INPP4B: variants seen among roughly 807,000 people sequenced by gnomAD.
The protein encoded by INPP4B is inositol polyphosphate-4-phosphatase type II B.
In INPP4B, 55 loss-of-function variants were observed where a neutral mutation model predicts 122.5. That is an observed-to-expected ratio of 0.45 (90% CI 0.36 to 0.56). INPP4B has a LOEUF of 0.56. Among genes scored for constraint, INPP4B ranks in the 20% least tolerant of loss-of-function variants. The pLI is 0.00. For missense variants in INPP4B, 1,000 were observed against 1,097.7 expected, an observed-to-expected ratio of 0.91 and a Z score of 1.26; for synonymous variants, 403 against 388.7, an observed-to-expected ratio of 1.04 and a Z score of -0.43.
At chr4:142,116,590 A>T (rs1475885928) in intron 21 of INPP4B, among the ~76,000 whole-genome samples, 2 of 152,196 alleles carry the variant, frequency 1.3e-5, no homozygotes, top group Non-Finnish European at 2.9e-5. Flanking sequence ...TGAAAGCAGA[A>T]ATAAAGATGT....
Position 142,537,477 on chromosome 4 carries a change from C to T in INPP4B, c.-190-74751G>A, listed in dbSNP as rs866863294. ...AGAGAGAGAGAGAGAGAGAGATACA[C>T]ATACACATACATACACAAACACATA... On this transcript the variant is annotated intron_variant, in intron 2 of 25. Coordinates refer to ENST00000262992, the MANE Select transcript of INPP4B (RefSeq NM_001101669.3). Among the ~76,000 whole-genome samples, 25 of 88,536 alleles carry T rather than the reference C, an allele frequency of 2.8e-4. No individual in the cohort carries two copies. In the South Asian group the frequency reaches 3.6e-3, roughly 13 times the overall value. 58.1% of individuals were successfully genotyped at this position (88,536 alleles called of 152,430 possible). A position where few individuals can be genotyped will look rare whatever the true frequency, so the allele number is the denominator to read the frequency against.
chr4:142,255,291 A>G (rs1005726976), intron 11 of INPP4B, among the ~76,000 whole-genome samples: 3 of 152,186 alleles, frequency 2.0e-5, no homozygotes, highest in African/African-American at 7.2e-5. Context: ...AAAGAACTGC[A>G]TCAACTAAGG....
intron 2 of INPP4B, among the ~76,000 whole-genome samples, chr4:142,507,510 C>T (rs1440393416): frequency 6.6e-6 from 1 of 151,862 alleles, no homozygotes; most frequent in Non-Finnish European, 1.5e-5. Flanking sequence ...ATCATCTGTT[C>T]ATGAAGCAAG....
At chr4:142,142,221 C>T (rs1430230399) in intron 18 of INPP4B, among the ~76,000 whole-genome samples, 3 of 151,946 alleles carry the variant, frequency 2.0e-5, no homozygotes, top group Non-Finnish European at 4.4e-5. Flanking sequence ...TGAAGAAATA[C>T]ATTTTATTAT....
intron 2 of INPP4B, among the ~76,000 whole-genome samples, chr4:142,533,629 C>A (rs1827870003): frequency 6.6e-6 from 1 of 152,010 alleles, no homozygotes; most frequent in Non-Finnish European, 1.5e-5. Context: ...AGACTAAAAA[C>A]AGTTCGAGAT....
At chr4:142,334,189 T>C (rs1775713124) in intron 7 of INPP4B, among the ~76,000 whole-genome samples, 1 of 152,212 alleles carries the variant, frequency 6.6e-6, no homozygotes, top group African/African-American at 2.4e-5. Context: ...CAGAATTTCT[T>C]ACTTTTCTTT....
chr4:142,140,108 G>A (rs996539443), intron 18 of INPP4B, among the ~76,000 whole-genome samples: 1 of 152,204 alleles, frequency 6.6e-6, no homozygotes, highest in African/African-American at 2.4e-5. Flanking sequence ...AGCAAAAAAG[G>A]ACATGAGTAC....
chr4:142,596,015 ATTG>A (rs1738616411), intron 2 of INPP4B, among the ~76,000 whole-genome samples: 1 of 151,852 alleles, frequency 6.6e-6, no homozygotes, highest in Admixed American at 6.6e-5. Flanking sequence ...TGCCCAGCTA[ATTG>A]TTGTATTTTT....
chr4:142,288,443 G>A (rs1442664790), intron 9 of INPP4B, among the ~76,000 whole-genome samples: 1 of 152,176 alleles, frequency 6.6e-6, no homozygotes, highest in East Asian at 1.9e-4. Flanking sequence ...AATTAGCTGA[G>A]CGTGGTGTCA....
intron 14 of INPP4B, among the ~76,000 whole-genome samples, chr4:142,206,359 T>TA (rs1339355952): frequency 6.6e-6 from 1 of 150,948 alleles, no homozygotes; most frequent in African/African-American, 2.4e-5. Context: ...CTCTCTCTTT[T>TA]TTTTTTTTTT....
At chr4:142,307,899 T>C (rs1764046686) in intron 8 of INPP4B, among the ~76,000 whole-genome samples, 1 of 152,214 alleles carries the variant, frequency 6.6e-6, no homozygotes, top group Admixed American at 6.5e-5. Context: ...CATGAGATTA[T>C]TGCAGTCTTT....
Position 142,026,508 on chromosome 4 carries a change from C to T in INPP4B, c.*2274G>A, listed in dbSNP as rs1578653055. ...AAAGATGGAGTTTCGCTCTTTTCACCCAGGCTGGAGTGCAATGGCATGATC... is the reference window on the plus strand; with the variant it reads ...AAAGATGGAGTTTCGCTCTTTTCACTCAGGCTGGAGTGCAATGGCATGATC... On this transcript the variant is annotated 3_prime_UTR_variant, in exon 26 of 26. Coordinates refer to ENST00000262992, the MANE Select transcript of INPP4B (RefSeq NM_001101669.3). The T allele has an allele frequency of 6.6e-6, 1 of 152,264 alleles. No homozygotes were observed. Among genetic ancestry groups the T allele is most frequent in the African/African-American group, 2.4e-5 (1 of 41,542 alleles). The allele number at this position is 152,264 out of a possible 1,614,324, so 9.4% of individuals were successfully genotyped here.
intron 5 of INPP4B, among the ~76,000 whole-genome samples, chr4:142,426,101 T>G (rs1462835837): frequency 6.6e-6 from 1 of 152,030 alleles, no homozygotes; most frequent in Non-Finnish European, 1.5e-5. Context: ...ATCTATTGTT[T>G]TGGATTTATA....
At chr4:142,514,025 AG>A (rs1825096017) in intron 2 of INPP4B, among the ~76,000 whole-genome samples, 1 of 152,162 alleles carries the variant, frequency 6.6e-6, no homozygotes, top group Non-Finnish European at 1.5e-5. Flanking sequence ...GAGAGGAGAA[AG>A]GGGGAAGTGC....
chr4:142,781,123 C>G (rs1774753578), intron 1 of INPP4B, among the ~76,000 whole-genome samples: 1 of 152,098 alleles, frequency 6.6e-6, no homozygotes, highest in African/African-American at 2.4e-5. Flanking sequence ...GGCTGGGTGT[C>G]AATGAAAGAG....
chr4:142,224,193 T>C (rs1850538293), intron 12 of INPP4B, among the ~76,000 whole-genome samples: 1 of 152,178 alleles, frequency 6.6e-6, no homozygotes, highest in Non-Finnish European at 1.5e-5. Context: ...TGTCTGATGA[T>C]AAATATATTT....
chr4:142,722,661 T>C (rs969497721), intron 2 of INPP4B, among the ~76,000 whole-genome samples: 2 of 152,182 alleles, frequency 1.3e-5, no homozygotes, highest in African/African-American at 2.4e-5. Flanking sequence ...CACTTCTCCA[T>C]AAAAATGTTC....
At chr4:142,198,521 T>C (rs1434578595) in intron 14 of INPP4B, among the ~76,000 whole-genome samples, 2 of 151,806 alleles carry the variant, frequency 1.3e-5, no homozygotes, top group East Asian at 1.9e-4. Flanking sequence ...CCATGCTTTT[T>C]CCCTATTTTT....
intron 12 of INPP4B, among the ~76,000 whole-genome samples, chr4:142,237,442 A>G (rs986520759): frequency 6.6e-6 from 1 of 152,156 alleles, no homozygotes; most frequent in African/African-American, 2.4e-5. Flanking sequence ...GGTTAACTTT[A>G]ATAATATATT....
Sources: gnomAD v4.1 joint callset for allele counts (sites outside exome capture counted in the v4.1 genomes callset) on GRCh38, gnomAD v4.1.1 for gene constraint, MANE v1.5 for transcripts, NCBI Gene and HGNC (gene_info 2026-07-23, HGNC 2026-07-21) for gene names.